ANO6: variants seen among roughly 807,000 people sequenced by gnomAD.
The protein encoded by ANO6 is anoctamin 6, also known as anoctamin-6.
A neutral mutation model predicts 117.5 loss-of-function variants in ANO6; 106 were observed. The observed-to-expected ratio is 0.90, with a 90% confidence interval of 0.77 to 1.06. The LOEUF (loss-of-function observed/expected upper bound fraction) is 1.06. Among genes scored for constraint, ANO6 ranks in the 50% least tolerant of loss-of-function variants. The pLI is 0.00. For missense variants in ANO6, 955 were observed against 1,121.1 expected, an observed-to-expected ratio of 0.85 and a Z score of 2.12; for synonymous variants, 367 against 385.1, an observed-to-expected ratio of 0.95 and a Z score of 0.55.
chr12:45,405,114 A>G (rs1942898668), intron 15 of ANO6, among the ~76,000 whole-genome samples: 1 of 149,666 alleles, frequency 6.7e-6, no homozygotes, highest in Admixed American at 6.7e-5. Context: ...TTTTTATCCT[A>G]CTCCGGAGAA....
At position 45,322,057 on chromosome 12, in the gene ANO6, A is replaced by T. The variant is rs149865002; in HGVS notation, c.151-9238A>T. On this transcript the variant is annotated intron_variant, in intron 2 of 19. Coordinates refer to ENST00000320560, the MANE Select transcript of ANO6 (RefSeq NM_001025356.3). The stretch of plus-strand genomic sequence containing the variant: ...GGTGCTGGCAGTTTTACCCACCATG[A>T]CTTTTGCACCATCATTGCAGATGGT... Among the ~76,000 whole-genome samples, 11 of 152,238 alleles carry T rather than the reference A, an allele frequency of 7.2e-5. No individual in the cohort carries two copies. In the East Asian group the frequency reaches 2.1e-3, roughly 29 times the overall value.
At position 45,432,343 on chromosome 12, in the gene ANO6, C is replaced by T; in HGVS notation, c.*3032C>T. 1 of 835,102 alleles carries T rather than the reference C, an allele frequency of 1.2e-6. No individual in the cohort carries two copies. The allele number at this position is 835,102 out of a possible 1,614,324, so 51.7% of individuals were successfully genotyped here. ...GAGCATTTTAATAAATTCATTTTTA[C>T]AAACAATAGTATGGTCTATTCTATA... On this transcript the variant is annotated 3_prime_UTR_variant, in exon 20 of 20. Transcript: ENST00000320560.
chr12:45,217,528 A>T (rs1947334578), intron 1 of ANO6, among the ~76,000 whole-genome samples: 1 of 152,210 alleles, frequency 6.6e-6, no homozygotes, highest in Admixed American at 6.5e-5. Flanking sequence ...ACACTCCATG[A>T]TTTAGTTTCA....
In ANO6 at chr12:45,429,516, A is replaced by G. The variant is rs1402105455; in HGVS notation, c.*205A>G. The G allele has an allele frequency of 2.9e-6, 4 of 1,380,228 alleles. No individual in the cohort carries two copies. The highest frequency in any genetic ancestry group is 2.8e-5 in the East Asian group (1 of 35,364). The allele number at this position is 1,380,228 out of a possible 1,614,324, so 85.5% of individuals were successfully genotyped here. A position where few individuals can be genotyped will look rare whatever the true frequency, so the allele number is the denominator to read the frequency against. On this transcript the variant is annotated 3_prime_UTR_variant, in exon 20 of 20. Transcript: ENST00000320560. ...TTAGATCATGAAGGGCATAAAACTT[A>G]TCACCCGGAAAACCTCAATGTTACC...
At chr12:45,321,810 C>T (rs1216113010) in intron 2 of ANO6, among the ~76,000 whole-genome samples, 2 of 152,176 alleles carry the variant, frequency 1.3e-5, no homozygotes, top group African/African-American at 2.4e-5. Flanking sequence ...AATCATCATA[C>T]TTCTGTGTGC....
intron 1 of ANO6, among the ~76,000 whole-genome samples, chr12:45,228,934 G>T (rs1211003964): frequency 1.3e-5 from 2 of 152,182 alleles, no homozygotes; most frequent in African/African-American, 4.8e-5. Flanking sequence ...TCATATCCCT[G>T]CACAGTCTCA....
intron 19 of ANO6, among the ~76,000 whole-genome samples, chr12:45,427,832 AG>A (rs1004542057): frequency 6.7e-5 from 10 of 148,914 alleles, no homozygotes; most frequent in Admixed American, 6.1e-4. Flanking sequence ...CCAGCTACTC[AG>A]GTGGCTGAGG....
At chr12:45,279,530 T>C (rs1045754594) in intron 1 of ANO6, among the ~76,000 whole-genome samples, 8 of 152,206 alleles carry the variant, frequency 5.3e-5, no homozygotes, top group African/African-American at 1.9e-4. Context: ...TTACAAGGCA[T>C]TTGATCACAC....
intron 3 of ANO6, among the ~76,000 whole-genome samples, chr12:45,345,071 C>T (rs1039128205): frequency 3.3e-5 from 5 of 152,154 alleles, no homozygotes; most frequent in Non-Finnish European, 4.4e-5. Flanking sequence ...ATACCACTTG[C>T]TGGTTTCCTC....
At chr12:45,256,537 A>G (rs1937835766) in intron 1 of ANO6, 1 of 151,666 alleles carries the variant, frequency 6.6e-6, no homozygotes. Flanking sequence ...AAAAAATCAT[A>G]GAGGAAACTT....
intron 1 of ANO6, among the ~76,000 whole-genome samples, chr12:45,280,268 G>A (rs181044162): frequency 6.6e-6 from 1 of 152,202 alleles, no homozygotes; most frequent in East Asian, 1.9e-4. Context: ...GAAAGACAAA[G>A]TGGACATGGC....
intron 16 of ANO6, among the ~76,000 whole-genome samples, chr12:45,410,033 C>T (rs940535483): frequency 7.2e-5 from 11 of 152,184 alleles, no homozygotes; most frequent in African/African-American, 1.9e-4. Context: ...TGGGATTACA[C>T]GCATAAGCCA....
At chr12:45,263,345 C>CGG (rs1938107875) in intron 1 of ANO6, among the ~76,000 whole-genome samples, 1 of 145,050 alleles carries the variant, frequency 6.9e-6, no homozygotes, top group Non-Finnish European at 1.5e-5. Context: ...GCTGGGACTA[C>CGG]AACCATCATG....
chr12:45,399,628 G>A (rs575019807), intron 12 of ANO6, among the ~76,000 whole-genome samples: 37 of 152,142 alleles, frequency 2.4e-4, no homozygotes, highest in Middle Eastern at 3.4e-3. Context: ...TGCTGAGTCC[G>A]GTGGGATGTT....
rs184175154 is a variant in ANO6, at chr12:45,362,905, T to C, written c.999-4783T>C. 2.3e-3 allele frequency among the ~76,000 whole-genome samples: 356 copies of C among 152,290 alleles called. 1 individual carries two copies. The highest frequency in any genetic ancestry group is 8.2e-3 in the African/African-American group (341 of 41,570). On this transcript the variant is annotated intron_variant, in intron 8 of 19. Coordinates refer to ENST00000320560, the MANE Select transcript of ANO6 (RefSeq NM_001025356.3). ...CAACAGTTTCATAATTGTTGCTTTG[T>C]GTCTTTTAAATAAGATAGAAGAAAA...
intron 10 of ANO6, among the ~76,000 whole-genome samples, chr12:45,379,800 C>T (rs938834209): frequency 2.6e-5 from 4 of 152,234 alleles, no homozygotes; most frequent in African/African-American, 9.6e-5. Context: ...AACTGACTTA[C>T]ACATTAGCTG....
chr12:45,371,167 G>A (rs1265290408), intron 9 of ANO6, among the ~76,000 whole-genome samples: 1 of 152,098 alleles, frequency 6.6e-6, no homozygotes, highest in African/African-American at 2.4e-5. Context: ...TTAAAAAACG[G>A]CGCACCACAA....
At chr12:45,382,827 T>C (rs964758449) in intron 10 of ANO6, among the ~76,000 whole-genome samples, 1 of 152,222 alleles carries the variant, frequency 6.6e-6, no homozygotes, top group Non-Finnish European at 1.5e-5. Context: ...TCTGAGCCTT[T>C]AGAGAGTGTT....
At chr12:45,233,514 T>G (rs1947604384) in intron 1 of ANO6, among the ~76,000 whole-genome samples, 1 of 152,168 alleles carries the variant, frequency 6.6e-6, no homozygotes, top group South Asian at 2.1e-4. Flanking sequence ...TCCTTTCAAA[T>G]TGGGAATATT....
Sources: allele counts gnomAD v4.1 joint callset (sites outside exome capture counted in the v4.1 genomes callset), GRCh38; gene constraint gnomAD v4.1.1; transcripts MANE v1.5; gene names NCBI Gene and HGNC (gene_info 2026-07-23, HGNC 2026-07-21).